The following ARRB1 variants were observed in gnomAD, a reference collection of about 807,000 sequenced individuals.
ARRB1 encodes arrestin beta 1, also known as beta-arrestin-1.
A neutral mutation model predicts 56.8 loss-of-function variants in ARRB1; 21 were observed. The observed-to-expected ratio is 0.37, with a 90% CI of 0.26 to 0.53. The LOEUF is 0.53. ARRB1 is among the 20% of genes least tolerant of loss of function. The pLI is 0.88. For missense variants in ARRB1, 424 were observed against 553.7 expected (o/e 0.77, Z 2.35); for synonymous variants, 210 against 218.6 (o/e 0.96, Z 0.35).
intron 5 of ARRB1, 135 bp from the exon 6 acceptor site, chr11:75,282,156 C>T: frequency 2.6e-6 from 2 of 760,972 alleles, no homozygotes; most frequent in Non-Finnish European, 4.3e-6. Flanking sequence ...CCCATCAGAC[C>T]ATGCCAAGCC....
chr11:75,309,377 G>T (rs569255962), intron 1 of ARRB1, among the ~76,000 whole-genome samples: 32 of 152,384 alleles, frequency 2.1e-4, no homozygotes, highest in African/African-American at 7.7e-4. Context: ...CCAGGGCAAG[G>T]CCTGTGCTTG....
chr11:75,343,430 G>C (rs972241701), intron 1 of ARRB1, among the ~76,000 whole-genome samples: 2 of 152,188 alleles, frequency 1.3e-5, no homozygotes, highest in Admixed American at 1.3e-4. Context: ...TTCCCTGGGG[G>C]AGCTCACAGC....
intron 1 of ARRB1, among the ~76,000 whole-genome samples, chr11:75,320,614 GC>G (rs987935652): frequency 2.0e-5 from 3 of 152,168 alleles, no homozygotes; most frequent in African/African-American, 7.2e-5. Context: ...GAGGCCATGG[GC>G]TCCACATGGT....
At chr11:75,345,263 G>A (rs1292796462) in intron 1 of ARRB1, among the ~76,000 whole-genome samples, 1 of 152,206 alleles carries the variant, frequency 6.6e-6, no homozygotes, top group Non-Finnish European at 1.5e-5. Flanking sequence ...CCAGTCCCAG[G>A]AAGGAGGAGG....
Position 75,331,828 on chromosome 11 carries a change from T to A in ARRB1, c.20+19760A>T, listed in dbSNP as rs60244105. Among the ~76,000 whole-genome samples the A allele has an allele frequency of 7.5e-3, 1,139 of 152,154 alleles. 18 individuals are homozygous for A. The highest frequency in any genetic ancestry group is 0.026 in the African/African-American group (1,097 of 41,492). ...GTTGGGTTTTATGTAACCCTACATG[T>A]CGTGACTTACTTTCCAGTCTGACTC... On this transcript the variant is annotated intron_variant, in intron 1 of 15. Transcript: ENST00000420843.
chr11:75,326,773 G>A lies in ARRB1; in HGVS notation c.20+24815C>T, dbSNP rs114301150. Among the ~76,000 whole-genome samples the A allele has an allele frequency of 3.8e-3, 541 of 142,388 alleles. 3 individuals are homozygous for A. The highest frequency in any genetic ancestry group is 0.014 in the African/African-American group (524 of 37,538). 93.4% of individuals were successfully genotyped at this position (142,388 alleles called of 152,430 possible). On this transcript the variant is annotated intron_variant, in intron 1 of 15. Coordinates refer to ENST00000420843, the MANE Select transcript of ARRB1 (RefSeq NM_004041.5). ...CAGGGTGTCACTCCAGCCCAGGCTA[G>A]AGTGCAGGGCTGCAATCATGGCTCA... is the stretch of plus-strand genomic sequence containing the variant.
At chr11:75,348,627 T>A in intron 1 of ARRB1, among the ~76,000 whole-genome samples, 1 of 151,928 alleles carries the variant, frequency 6.6e-6, no homozygotes, top group Admixed American at 6.6e-5. Context: ...AGACAGGGTC[T>A]CACTCTCTCA....
chr11:75,287,632 C>G (rs1436541451), intron 2 of ARRB1, among the ~76,000 whole-genome samples: 1 of 152,218 alleles, frequency 6.6e-6, no homozygotes, highest in African/African-American at 2.4e-5. Flanking sequence ...GATGAGGACA[C>G]TGAGGCCCGG....
intron 1 of ARRB1, among the ~76,000 whole-genome samples, chr11:75,326,791 A>AT (rs1188991135): frequency 1.4e-5 from 2 of 143,686 alleles, no homozygotes; most frequent in Non-Finnish European, 3.0e-5. Context: ...GGCTGCAATC[A>AT]TGGCTCACTA....
intron 1 of ARRB1, among the ~76,000 whole-genome samples, chr11:75,323,534 T>C (rs1450505956): frequency 6.6e-6 from 1 of 152,066 alleles, no homozygotes; most frequent in African/African-American, 2.4e-5. Context: ...GCATGAGAAT[T>C]GCTTGAACCC....
chr11:75,340,353 C>T (rs1027225134), intron 1 of ARRB1, among the ~76,000 whole-genome samples: 27 of 152,234 alleles, frequency 1.8e-4, no homozygotes, highest in African/African-American at 6.3e-4. Flanking sequence ...ACAGTGTGGG[C>T]GGCACTACCA....
rs369530675 is a variant in ARRB1 at position 75,268,901 on chromosome 11, G to A, written c.1081C>T (p.Pro361Ser). 1.1e-5 allele frequency: 17 copies of A among 1,608,810 alleles called. No homozygotes were observed. The highest frequency in any genetic ancestry group is 1.2e-5 in the Non-Finnish European group (14 of 1,178,720). Residue 361 changes from proline (P) to serine (S), a missense_variant, in exon 14 of 16, where the codon CCG becomes TCG. By Grantham distance (74) the Pro-to-Ser change is moderately conservative. Coordinates refer to ENST00000420843, the MANE Select transcript of ARRB1 (RefSeq NM_004041.5). ...LMHPKPKEEPPHREVPENETP... is the reference protein window; with the variant it reads ...LMHPKPKEEPSHREVPENETP... ...AGATTCTGCTCACCTTCCCGATGCG[G>A]GGGTTCCTCTTTGGGCTTGGGGTGC...
intron 1 of ARRB1, among the ~76,000 whole-genome samples, chr11:75,302,097 G>A (rs993924121): frequency 6.6e-6 from 1 of 152,198 alleles, no homozygotes; most frequent in Non-Finnish European, 1.5e-5. Context: ...GCCGGCTTCT[G>A]TGGTTCCCGT....
chr11:75,335,757 G>A (rs1947592559), intron 1 of ARRB1, among the ~76,000 whole-genome samples: 1 of 152,134 alleles, frequency 6.6e-6, no homozygotes, highest in South Asian at 2.1e-4. Context: ...GGCTGGCAAG[G>A]GCTGCCCTAT....
rs905977257 is a variant in ARRB1, at chr11:75,266,080, G to T, written c.*83C>A. The T allele has an allele frequency of 6.4e-6, 8 of 1,256,324 alleles. No individual in the cohort carries two copies. Among genetic ancestry groups the T allele is most frequent in the South Asian group, 2.4e-5 (2 of 82,062 alleles). 77.8% of individuals were successfully genotyped at this position (1,256,324 alleles called of 1,614,324 possible). A position where few individuals can be genotyped will look rare whatever the true frequency, so the allele number is the denominator to read the frequency against. On this transcript the variant is annotated 3_prime_UTR_variant, in exon 16 of 16. Transcript: ENST00000420843. ...GAAACTGGAAGAACAAAGGGGAAAAGAAACCAGAACAGGAAGAAGACGAGT... is the reference window on the plus strand; with the variant it reads ...GAAACTGGAAGAACAAAGGGGAAAATAAACCAGAACAGGAAGAAGACGAGT...
intron 1 of ARRB1, among the ~76,000 whole-genome samples, chr11:75,301,664 T>C (rs2140463251): frequency 6.6e-6 from 1 of 152,270 alleles, no homozygotes; most frequent in Non-Finnish European, 1.5e-5. Flanking sequence ...TCTGACCCAC[T>C]TTCCTCAGTG....
At chr11:75,275,931 ATCACT>A (rs1232191983) in intron 10 of ARRB1, among the ~76,000 whole-genome samples, 1 of 152,182 alleles carries the variant, frequency 6.6e-6, no homozygotes, top group Non-Finnish European at 1.5e-5. Flanking sequence ...CTGGTTCTAG[ATCACT>A]TCACTTTACC....
intron 5 of ARRB1, 128 bp downstream of exon 5, chr11:75,283,159 T>A: frequency 1.0e-6 from 1 of 991,950 alleles, no homozygotes; most frequent in Non-Finnish European, 1.5e-6. Flanking sequence ...GTGCCCCAGG[T>A]CCCAGCATAC....
At chr11:75,281,195 T>C in intron 6 of ARRB1, 53 bp from the exon 7 acceptor site, 2 of 1,514,112 alleles carry the variant, frequency 1.3e-6, no homozygotes, top group Non-Finnish European at 1.8e-6. Flanking sequence ...GGGTCCCCAG[T>C]ACACAGCCAG....
Sources: allele counts gnomAD v4.1 joint callset (sites outside exome capture counted in the v4.1 genomes callset), GRCh38; gene constraint gnomAD v4.1.1; transcripts MANE v1.5; gene names NCBI Gene and HGNC (gene_info 2026-07-23, HGNC 2026-07-21).